Variants in PIP4K2A observed in about 807,000 individuals in gnomAD.
PIP4K2A encodes phosphatidylinositol-5-phosphate 4-kinase type 2 alpha.
In PIP4K2A, 14 loss-of-function variants were observed where a neutral mutation model predicts 42.9. The ratio of observed to expected loss-of-function variants is 0.33; its 90% CI spans 0.22 to 0.51. The LOEUF (loss-of-function observed/expected upper bound fraction) is 0.51. PIP4K2A is among the 20% of genes least tolerant of loss of function. PIP4K2A has a pLI of 0.97. For missense variants in PIP4K2A, 434 were observed against 519.8 expected (o/e 0.83, Z 1.61); for synonymous variants, 192 against 192.2 (o/e 1.00, Z 0.01).
intron 1 of PIP4K2A, among the ~76,000 whole-genome samples, chr10:22,641,434 CA>C (rs1393722781): frequency 1.3e-5 from 2 of 152,088 alleles, no homozygotes; most frequent in East Asian, 1.9e-4. Flanking sequence ...TATACCTGAT[CA>C]TTTTTTTTTC....
At chr10:22,627,870 C>CA (rs1838478880) in intron 1 of PIP4K2A, among the ~76,000 whole-genome samples, 1 of 152,112 alleles carries the variant, frequency 6.6e-6, no homozygotes, top group Non-Finnish European at 1.5e-5. Context: ...GGATAAAACA[C>CA]AATTTTTCCT....
At chr10:22,645,995 T>C (rs1355986172) in intron 1 of PIP4K2A, among the ~76,000 whole-genome samples, 1 of 152,162 alleles carries the variant, frequency 6.6e-6, no homozygotes, top group Non-Finnish European at 1.5e-5. Context: ...GTGCTGGGAT[T>C]ATAGGTGTGC....
intron 1 of PIP4K2A, among the ~76,000 whole-genome samples, chr10:22,651,044 G>A (rs1023524116): frequency 2.0e-5 from 3 of 152,140 alleles, no homozygotes; most frequent in Non-Finnish European, 2.9e-5. Flanking sequence ...AGACTTCCAC[G>A]ACCAATGGCT....
chr10:22,704,651 G>GAAA lies in PIP4K2A; in HGVS notation c.144+9529_144+9531dup, dbSNP rs113174364. 4.5e-3 allele frequency among the ~76,000 whole-genome samples: 290 copies of GAAA among 64,180 alleles called. 4 individuals are homozygous for GAAA. Among genetic ancestry groups the GAAA allele is most frequent in the African/African-American group, 0.016 (277 of 17,740 alleles). 42.1% of individuals were successfully genotyped at this position (64,180 alleles called of 152,430 possible). On this transcript the variant is annotated intron_variant, in intron 1 of 9. Transcript: ENST00000376573. ...CAGGCCAAAAAGCAAGACCTCATCTGAAAAAAAAAAAAAAAAAAAAGGAAC... is the reference window on the plus strand; with the variant it reads ...CAGGCCAAAAAGCAAGACCTCATCTGAAAAAAAAAAAAAAAAAAAAAAAGGAAC...
At chr10:22,667,638 T>A (rs1177751792) in intron 1 of PIP4K2A, among the ~76,000 whole-genome samples, 2 of 152,018 alleles carry the variant, frequency 1.3e-5, no homozygotes, top group African/African-American at 4.8e-5. Context: ...ATCTGGGAGG[T>A]TATAAAATTA....
intron 6 of PIP4K2A, among the ~76,000 whole-genome samples, chr10:22,554,089 C>G (rs767758676): frequency 3.4e-4 from 51 of 152,092 alleles, no homozygotes; most frequent in Admixed American, 9.8e-4. Context: ...TGCAGAGAGC[C>G]ATGATCGCGC....
chr10:22,600,491 G>C (rs760779174), intron 3 of PIP4K2A, among the ~76,000 whole-genome samples: 4 of 152,140 alleles, frequency 2.6e-5, no homozygotes, highest in Non-Finnish European at 4.4e-5. Context: ...AGGGGTGAGT[G>C]AGTATCTCAT....
At chr10:22,713,680 C>T (rs188036734) in intron 1 of PIP4K2A, among the ~76,000 whole-genome samples, 14 of 152,194 alleles carry the variant, frequency 9.2e-5, no homozygotes, top group Admixed American at 2.0e-4. Context: ...GGTATCCTCG[C>T]CCCAGTGCCC....
At chr10:22,650,389 G>A (rs1838969784) in intron 1 of PIP4K2A, among the ~76,000 whole-genome samples, 1 of 152,120 alleles carries the variant, frequency 6.6e-6, no homozygotes, top group Non-Finnish European at 1.5e-5. Flanking sequence ...CGGAGTAGCT[G>A]GGACTACAGG....
chr10:22,674,297 T>C (rs1338184394), intron 1 of PIP4K2A, among the ~76,000 whole-genome samples: 1 of 151,874 alleles, frequency 6.6e-6, no homozygotes, highest in East Asian at 1.9e-4. Flanking sequence ...GCTTGTATCA[T>C]GTTCTTTTGG....
At chr10:22,706,598 C>T (rs148566066) in intron 1 of PIP4K2A, among the ~76,000 whole-genome samples, 63 of 152,206 alleles carry the variant, frequency 4.1e-4, no homozygotes, top group African/African-American at 1.5e-3. Flanking sequence ...CGTCTGTGTC[C>T]CCTGTAGTTA....
intron 1 of PIP4K2A, among the ~76,000 whole-genome samples, chr10:22,670,035 CAGTCTTAATA>C (rs1452943659): frequency 1.3e-5 from 2 of 152,138 alleles, no homozygotes; most frequent in African/African-American, 2.4e-5. Context: ...CCATTAATTG[CAGTCTTAATA>C]ATCATACCAC....
intron 1 of PIP4K2A, among the ~76,000 whole-genome samples, chr10:22,661,138 A>G (rs146240961): frequency 5.3e-5 from 8 of 152,358 alleles, no homozygotes; most frequent in African/African-American, 1.9e-4. Context: ...GTTAATCCAC[A>G]TTGTTAGAGT....
intron 1 of PIP4K2A, among the ~76,000 whole-genome samples, chr10:22,704,177 T>C (rs184075068): frequency 3.4e-4 from 52 of 152,122 alleles, no homozygotes; most frequent in African/African-American, 1.2e-3. Context: ...GTAAAGTAAA[T>C]GTAATTGTAG....
Position 22,540,018 on chromosome 10 carries a change from C to T in PIP4K2A, c.1093G>A (p.Asp365Asn). ...GCATGGGCAGCTTTCTTTTTTGCAT[C>T]ATAATGAGTAAGGATGTCAATAATT... Reference protein sequence around the residue: ...MAIIDILTHYDAKKKAAHAAK... With the variant: ...MAIIDILTHYNAKKKAAHAAK... Residue 365 changes from aspartate (D) to asparagine (N), a missense_variant, in exon 9 of 10, where the codon GAT (aspartate) becomes AAT (asparagine). Asp to Asn is a conservative substitution (Grantham distance 23). Transcript: ENST00000376573. 1 of 1,613,018 alleles carries T rather than the reference C, an allele frequency of 6.2e-7. No individual in the cohort carries two copies. Among genetic ancestry groups the T allele is most frequent in the Non-Finnish European group, 8.5e-7 (1 of 1,179,150 alleles).
At chr10:22,568,015 T>C (rs1836890921) in intron 5 of PIP4K2A, 126 bp from the exon 6 acceptor site, 2 of 834,688 alleles carry the variant, frequency 2.4e-6, no homozygotes, top group Admixed American at 3.6e-5. Context: ...TCGCAGCCCA[T>C]GCGGAATGGG....
Position 22,560,492 on chromosome 10 carries a change from T to C in PIP4K2A, c.678+7359A>G, listed in dbSNP as rs556061073. On this transcript the variant is annotated intron_variant, in intron 6 of 9. Coordinates refer to ENST00000376573, the MANE Select transcript of PIP4K2A (RefSeq NM_005028.5). ...ACGTAAGGGTATTAATGATTAATCCTCTCGAACCCTCAGTTGGTAATAGGT... is the reference window on the plus strand; with the variant it reads ...ACGTAAGGGTATTAATGATTAATCCCCTCGAACCCTCAGTTGGTAATAGGT... Among the ~76,000 whole-genome samples, 179 of 152,352 alleles carry C rather than the reference T, an allele frequency of 1.2e-3. 3 individuals are homozygous for C. In the South Asian group the frequency reaches 0.036, roughly 30 times the overall value.
intron 1 of PIP4K2A, among the ~76,000 whole-genome samples, chr10:22,690,821 T>C (rs1337811606): frequency 2.6e-5 from 4 of 152,222 alleles, no homozygotes; most frequent in South Asian, 2.1e-4. Context: ...TTAATTATTA[T>C]GCAATGCTGC....
At chr10:22,682,250 G>C (rs941541353) in intron 1 of PIP4K2A, among the ~76,000 whole-genome samples, 2 of 152,156 alleles carry the variant, frequency 1.3e-5, no homozygotes, top group Admixed American at 1.3e-4. Flanking sequence ...CTACTTAAGA[G>C]CCAAAGTTAC....
Sources: gnomAD v4.1 joint callset for allele counts (sites outside exome capture counted in the v4.1 genomes callset) on GRCh38, gnomAD v4.1.1 for gene constraint, MANE v1.5 for transcripts, NCBI Gene and HGNC (gene_info 2026-07-23, HGNC 2026-07-21) for gene names.